Variants in ADK observed in about 807,000 individuals in gnomAD.
ADK encodes the protein adenosine kinase, also known as N6,N6-dimethyladenosine kinase.
A neutral mutation model predicts 44.7 loss-of-function variants in ADK; 24 were observed. The observed-to-expected ratio is 0.54, with a 90% confidence interval of 0.39 to 0.76. The LOEUF (loss-of-function observed/expected upper bound fraction) is 0.76, where lower values mean the gene tolerates loss of function less well. Ranked by LOEUF, ADK falls within the 30% of genes least tolerant of loss-of-function variation. The probability of loss-of-function intolerance (pLI) is 0.00; values close to 1 mark genes in which losing one functional copy is unlikely to be tolerated. For synonymous variants in ADK, 128 were observed against 142.6 expected (o/e 0.90, Z 0.73); for missense variants, 321 against 425.1 (o/e 0.76, Z 2.15).
At chr10:74,445,853 A>G (rs558016205) in intron 6 of ADK, among the ~76,000 whole-genome samples, 1 of 152,216 alleles carries the variant, frequency 6.6e-6, no homozygotes, top group Non-Finnish European at 1.5e-5. Flanking sequence ...TTCCCCTTTG[A>G]AAAGAATTGC....
At chr10:74,398,812 T>C (rs1432584137) in intron 6 of ADK, among the ~76,000 whole-genome samples, 2 of 152,066 alleles carry the variant, frequency 1.3e-5, no homozygotes, top group East Asian at 1.9e-4. Context: ...GGATACATTA[T>C]GCATAGGTGC....
intron 9 of ADK, among the ~76,000 whole-genome samples, chr10:74,638,486 C>A (rs991168636): frequency 6.6e-5 from 10 of 151,892 alleles, no homozygotes; most frequent in African/African-American, 2.4e-4. Flanking sequence ...CATAGTGAGA[C>A]CCTGCAAAAA....
chr10:74,235,588 G>A (rs1270464180), intron 3 of ADK, among the ~76,000 whole-genome samples: 1 of 152,188 alleles, frequency 6.6e-6, no homozygotes, highest in African/African-American at 2.4e-5. Flanking sequence ...ACGGGCGTGA[G>A]CCACTGCACC....
chr10:74,314,651 T>C lies in ADK; in HGVS notation c.195-16T>C, dbSNP rs1233228682. On this transcript the variant is annotated splice_polypyrimidine_tract_variant and intron_variant, in intron 3 of 10. Transcript: ENST00000539909. ...CAGAAGGTAACTTACTTTTTTCTACTGTGATTTCCTTATAGGTTTGATGAA... is the reference window on the plus strand; with the variant it reads ...CAGAAGGTAACTTACTTTTTTCTACCGTGATTTCCTTATAGGTTTGATGAA... 1.3e-6 allele frequency: 2 copies of C among 1,598,166 alleles called. No individual in the cohort carries two copies. Among genetic ancestry groups the C allele is most frequent in the Non-Finnish European group, 1.7e-6 (2 of 1,166,602 alleles).
chr10:74,666,637 G>A (rs1854965148), intron 9 of ADK, among the ~76,000 whole-genome samples: 1 of 152,074 alleles, frequency 6.6e-6, no homozygotes, highest in Non-Finnish European at 1.5e-5. Context: ...AGCTACTCCA[G>A]GCCCATTTCA....
At chr10:74,216,555 T>C (rs1222812573) in intron 2 of ADK, among the ~76,000 whole-genome samples, 2 of 151,796 alleles carry the variant, frequency 1.3e-5, no homozygotes, top group East Asian at 3.9e-4. Context: ...TGAAACTTCG[T>C]TTCTACTTAA....
intron 6 of ADK, among the ~76,000 whole-genome samples, chr10:74,512,056 G>C (rs1469987908): frequency 6.6e-6 from 1 of 152,070 alleles, no homozygotes; most frequent in Admixed American, 6.5e-5. Flanking sequence ...TCATTGAGAT[G>C]ATCATATGAT....
intron 1 of ADK, among the ~76,000 whole-genome samples, chr10:74,198,964 G>A (rs1181253734): frequency 2.0e-5 from 3 of 152,128 alleles, no homozygotes; most frequent in African/African-American, 7.2e-5. Flanking sequence ...GGAAACATAA[G>A]ACATGAATAA....
At chr10:74,219,172 A>G (rs998062634) in intron 2 of ADK, among the ~76,000 whole-genome samples, 1 of 151,966 alleles carries the variant, frequency 6.6e-6, no homozygotes, top group Middle Eastern at 3.4e-3. Context: ...GGATGGAGGA[A>G]GATCTACCAA....
At chr10:74,596,774 T>A (rs1473352083) in intron 8 of ADK, among the ~76,000 whole-genome samples, 5 of 152,166 alleles carry the variant, frequency 3.3e-5, no homozygotes, top group Admixed American at 2.0e-4. Context: ...CTCAAACTCC[T>A]AGGCTCAAGC....
At chr10:74,218,001 A>T (rs886710071) in intron 2 of ADK, among the ~76,000 whole-genome samples, 12 of 152,220 alleles carry the variant, frequency 7.9e-5, no homozygotes. Context: ...CCTCACCAGC[A>T]ATGGAACAAA....
At chr10:74,340,280 T>C (rs1841540462) in intron 4 of ADK, among the ~76,000 whole-genome samples, 1 of 152,166 alleles carries the variant, frequency 6.6e-6, no homozygotes, top group Admixed American at 6.5e-5. Flanking sequence ...GTACTGTGTT[T>C]ATTGTTTCAT....
At chr10:74,369,300 G>T (rs1842587924) in intron 4 of ADK, among the ~76,000 whole-genome samples, 2 of 152,208 alleles carry the variant, frequency 1.3e-5, no homozygotes, top group South Asian at 4.1e-4. Flanking sequence ...AGGCTGCAAT[G>T]AGCCATGATT....
intron 4 of ADK, chr10:74,372,015 A>G: frequency 2.6e-6 from 2 of 778,342 alleles, no homozygotes; most frequent in Non-Finnish European, 4.6e-6. Flanking sequence ...GGACATTGCC[A>G]TTCTATGCAA....
intron 1 of ADK, among the ~76,000 whole-genome samples, chr10:74,159,156 GTGAT>G (rs1420238255): frequency 2.6e-5 from 4 of 152,234 alleles, no homozygotes; most frequent in African/African-American, 9.6e-5. Flanking sequence ...TAGAAGCAAT[GTGAT>G]TAGCCTTTGA....
chr10:74,191,090 C>G (rs1434739770), intron 1 of ADK, among the ~76,000 whole-genome samples: 1 of 151,860 alleles, frequency 6.6e-6, no homozygotes, highest in African/African-American at 2.4e-5. Flanking sequence ...AAACGATTCC[C>G]CTGCTTCAGC....
chr10:74,409,992 G>A (rs1251569114), intron 6 of ADK, among the ~76,000 whole-genome samples: 1 of 151,938 alleles, frequency 6.6e-6, no homozygotes, highest in Non-Finnish European at 1.5e-5. Context: ...TAATCTAAAA[G>A]CAATAAAGCC....
At chr10:74,557,339 A>G (rs1850293142) in intron 7 of ADK, among the ~76,000 whole-genome samples, 2 of 152,206 alleles carry the variant, frequency 1.3e-5, no homozygotes, top group South Asian at 4.1e-4. Context: ...AAAACCATTT[A>G]TATACTACAT....
chr10:74,457,883 G>A (rs901352572), intron 6 of ADK, among the ~76,000 whole-genome samples: 5 of 152,160 alleles, frequency 3.3e-5, no homozygotes, highest in Non-Finnish European at 5.9e-5. Context: ...AGGGGACTAG[G>A]TGAGAGATAG....
Sources: allele counts gnomAD v4.1 joint callset (sites outside exome capture counted in the v4.1 genomes callset), GRCh38; gene constraint gnomAD v4.1.1; transcripts MANE v1.5; gene names NCBI Gene and HGNC (gene_info 2026-07-23, HGNC 2026-07-21).